SUN3: variants seen among roughly 807,000 people sequenced by gnomAD.
SUN3 encodes Sad1 and UNC84 domain containing 3, also known as SUN domain-containing protein 3.
A neutral mutation model predicts 48.2 loss-of-function variants in SUN3; 36 were observed. That is an observed-to-expected ratio of 0.75 (90% CI 0.57 to 0.99). SUN3 has a LOEUF of 0.99. SUN3 is among the 50% of genes least tolerant of loss of function. SUN3 has a pLI of 0.00. For synonymous variants in SUN3, 148 were observed against 147.9 expected, an observed-to-expected ratio of 1.00 and a Z score of 0.00; for missense variants, 419 against 433.1, an observed-to-expected ratio of 0.97 and a Z score of 0.29.
chr7:48,016,957 A>G (rs926873053), intron 3 of SUN3, among the ~76,000 whole-genome samples: 1 of 152,152 alleles, frequency 6.6e-6, no homozygotes, highest in Non-Finnish European at 1.5e-5. Flanking sequence ...TCCTTTTATT[A>G]GGAGCCCACT....
chr7:47,999,232 A>G (rs573827895), intron 6 of SUN3, among the ~76,000 whole-genome samples: 1 of 152,142 alleles, frequency 6.6e-6, no homozygotes, highest in Non-Finnish European at 1.5e-5. Flanking sequence ...ACACCTAAGT[A>G]TTTTATGTTT....
upstream of SUN3, chr7:48,029,233 C>G (rs1790220900): frequency 2.9e-6 from 1 of 340,188 alleles, no homozygotes; most frequent in African/African-American, 2.2e-5. Context: ...GTCACACCCA[C>G]TGAATAATAC....
At chr7:48,026,288 C>T (rs975855343) in intron 1 of SUN3, among the ~76,000 whole-genome samples, 1 of 150,980 alleles carries the variant, frequency 6.6e-6, no homozygotes, top group Non-Finnish European at 1.5e-5. Context: ...GTAGAACTAG[C>T]TACAAAAAAA....
rs1789660611 is a variant in SUN3, at chr7:48,010,733, A to T, written c.289-1658T>A. Among the ~76,000 whole-genome samples, 3 of 152,216 alleles carry T rather than the reference A, an allele frequency of 2.0e-5. No homozygotes were observed. The South Asian group carries it at 6.2e-4, about 32-fold the overall frequency. Reference sequence around the variant, plus strand: ...AAAGCTCACACTTCAGGCACCCAACAGAGAACTCAAAGGGACCCTATGAGT... The same window carrying T: ...AAAGCTCACACTTCAGGCACCCAACTGAGAACTCAAAGGGACCCTATGAGT... On this transcript the variant is annotated intron_variant, in intron 3 of 9. Transcript: ENST00000297325.
chr7:48,006,741 G>A (rs908308911), intron 5 of SUN3, among the ~76,000 whole-genome samples: 1 of 152,164 alleles, frequency 6.6e-6, no homozygotes. Context: ...TAATGACAGC[G>A]GAAGAGAAAG....
At chr7:48,034,470 C>T in the SUN3 span, among the ~76,000 whole-genome samples, 1 of 152,136 alleles carries the variant, frequency 6.6e-6, no homozygotes, top group Non-Finnish European at 1.5e-5. Context: ...CAAGAGAAAA[C>T]CAAGGCTGCT....
At chr7:47,996,205 C>G in intron 6 of SUN3, 59 bp from the exon 7 acceptor site, 1 of 946,204 alleles carries the variant, frequency 1.1e-6, no homozygotes, top group Non-Finnish European at 1.6e-6. Context: ...CAAAACACAT[C>G]ATTTGAATTT....
At chr7:47,988,694 T>C (rs909221502) in intron 9 of SUN3, 94 bp downstream of exon 9, 3 of 714,732 alleles carry the variant, frequency 4.2e-6, no homozygotes, top group South Asian at 4.4e-5. Context: ...GCTTTTGTCA[T>C]AATTATTCTC....
At chr7:47,987,642 T>TC in intron 9 of SUN3, among the ~76,000 whole-genome samples, 193 bp from the exon 10 acceptor site, 1 of 152,088 alleles carries the variant, frequency 6.6e-6, no homozygotes, top group Middle Eastern at 3.4e-3. Flanking sequence ...CAAGTCATCC[T>TC]CCCAGCTCAG....
At chr7:48,005,380 C>CT (rs1483931918) in intron 6 of SUN3, among the ~76,000 whole-genome samples, 1 of 152,196 alleles carries the variant, frequency 6.6e-6, no homozygotes, top group Non-Finnish European at 1.5e-5. Flanking sequence ...GTAAATTTGA[C>CT]TATCAATTGA....
chr7:47,994,600 TC>T (rs1183004829), intron 7 of SUN3, 118 bp from the exon 8 acceptor site: 2 of 1,036,110 alleles, frequency 1.9e-6, no homozygotes, highest in African/African-American at 3.3e-5. Context: ...ATAGGAAAAC[TC>T]CCAAGGCACC....
In SUN3 at chr7:48,028,817, C is replaced by A; in HGVS notation, c.122G>T (p.Gly41Val). Residue 41 changes from glycine (G) to valine (V), a missense_variant and splice_region_variant, in exon 1 of 10, where the codon GGG becomes GTG. Coordinates refer to ENST00000297325, the MANE Select transcript of SUN3 (RefSeq NM_001030019.2). ...LSEDENPDAN[G>V]VTRSWKIILS... is the part of the protein sequence containing the mutation. ...ACACCGTTCTGCCATGTTTACCTAC[C>A]CATTCGCATCAGGATTTTCGTCCTC... 6.2e-7 allele frequency: 1 copy of A among 1,613,556 alleles called. No homozygotes were observed. Among genetic ancestry groups the A allele is most frequent in the South Asian group, 1.1e-5 (1 of 91,042 alleles).
Position 48,012,245 on chromosome 7 carries a change from G to T in SUN3, c.289-3170C>A, listed in dbSNP as rs1458520580. 5.3e-5 allele frequency among the ~76,000 whole-genome samples: 8 copies of T among 152,202 alleles called. 1 individual carries two copies. Among genetic ancestry groups the T allele is most frequent in the Non-Finnish European group, 2.9e-5 (2 of 68,038 alleles). On this transcript the variant is annotated intron_variant, in intron 3 of 9. Coordinates refer to ENST00000297325, the MANE Select transcript of SUN3 (RefSeq NM_001030019.2). ...TATTGTTTTCAGCAACAAAGTCCCT[G>T]TGCCTCATCCTAACCATGGATTAAG...
chr7:48,004,825 C>T (rs1789479802), intron 6 of SUN3, among the ~76,000 whole-genome samples: 1 of 152,248 alleles, frequency 6.6e-6, no homozygotes, highest in Admixed American at 6.5e-5. Context: ...CTCACATCTG[C>T]AGTTTTTGGT....
intron 2 of SUN3, among the ~76,000 whole-genome samples, chr7:48,021,533 A>G (rs1404536133): frequency 6.6e-6 from 1 of 151,582 alleles, no homozygotes; most frequent in Admixed American, 6.6e-5. Context: ...TAAGAAGAAT[A>G]TATAAGGAGC....
chr7:48,013,759 G>A (rs1388597622), intron 3 of SUN3, among the ~76,000 whole-genome samples: 1 of 152,058 alleles, frequency 6.6e-6, no homozygotes, highest in Non-Finnish European at 1.5e-5. Context: ...AATCGCTTGA[G>A]CTCAGGAGAT....
chr7:48,010,202 A>C (rs956691272), intron 3 of SUN3, among the ~76,000 whole-genome samples: 2 of 152,136 alleles, frequency 1.3e-5, no homozygotes, highest in Non-Finnish European at 2.9e-5. Flanking sequence ...CCCCTATTCC[A>C]ACATGGGATG....
intron 3 of SUN3, among the ~76,000 whole-genome samples, chr7:48,011,218 T>C (rs943658690): frequency 1.3e-5 from 2 of 152,210 alleles, no homozygotes; most frequent in African/African-American, 4.8e-5. Context: ...ACAGTGACCA[T>C]CAATGTGCTA....
chr7:48,029,989 C>T (rs1338580323), upstream of SUN3, among the ~76,000 whole-genome samples: 3 of 152,094 alleles, frequency 2.0e-5, no homozygotes, highest in Non-Finnish European at 4.4e-5. Context: ...TTTTTCCTCA[C>T]TTATAACTCA....
Sources: gnomAD v4.1 joint callset for allele counts (sites outside exome capture counted in the v4.1 genomes callset) on GRCh38, gnomAD v4.1.1 for gene constraint, MANE v1.5 for transcripts, NCBI Gene and HGNC (gene_info 2026-07-23, HGNC 2026-07-21) for gene names.